HERC2: variants seen among roughly 807,000 people sequenced by gnomAD.
HERC2 encodes E3 ubiquitin-protein ligase HERC2.
In HERC2, 102 loss-of-function variants were observed where a neutral mutation model predicts 537.7. That is an observed-to-expected ratio of 0.19 (90% CI 0.16 to 0.22). The LOEUF (loss-of-function observed/expected upper bound fraction) is 0.22, where lower values mean the gene tolerates loss of function less well. Ranked by LOEUF, HERC2 falls within the 10% of genes least tolerant of loss-of-function variation. HERC2 has a pLI of 1.00. For synonymous variants in HERC2, 2,224 were observed against 2,466.2 expected, an observed-to-expected ratio of 0.90 and a Z score of 2.91; for missense variants, 4,236 against 6,198.2, an observed-to-expected ratio of 0.68 and a Z score of 10.63.
chr15:28,310,569 C>G (rs1029163706), intron 2 of HERC2, among the ~76,000 whole-genome samples: 1 of 152,218 alleles, frequency 6.6e-6, no homozygotes, highest in African/African-American at 2.4e-5. Context: ...CTCTTCTAGT[C>G]TTCAGTCAGA....
chr15:28,200,382 G>A (rs995564420), intron 48 of HERC2, among the ~76,000 whole-genome samples: 4 of 151,860 alleles, frequency 2.6e-5, no homozygotes, highest in African/African-American at 4.8e-5. Context: ...GTGACAGAGC[G>A]AGACTCTGCC....
intron 23 of HERC2, among the ~76,000 whole-genome samples, chr15:28,242,100 G>C (rs1903187291): frequency 6.6e-6 from 1 of 152,192 alleles, no homozygotes; most frequent in African/African-American, 2.4e-5. Context: ...CCATGTATAT[G>C]AAGTACCTGG....
At position 28,202,497 on chromosome 15, in the gene HERC2, G is replaced by A. The variant is rs1456731536; in HGVS notation, c.7330C>T (p.Arg2444Cys). The change falls in exon 46 of 93, where the codon CGC becomes TGC. Residue 2444 changes from arginine (R) to cysteine (C), a missense_variant. By Grantham distance (180) the Arg-to-Cys change is radical (BLOSUM62 -3). Coordinates refer to ENST00000261609, the MANE Select transcript of HERC2 (RefSeq NM_004667.6). ...ATTPVAVQHI[R>C]PARVKRRKQS... ...TTGCGCCTCTTCACTCTGGCAGGGC[G>A]GATGTGCTGCACGGCGACAGGCGTG... is the stretch of plus-strand genomic sequence containing the variant. 3.3e-5 allele frequency: 45 copies of A among 1,370,346 alleles called. No individual in the cohort carries two copies. The highest frequency in any genetic ancestry group is 4.8e-5 in the African/African-American group (3 of 63,044). 84.9% of individuals were successfully genotyped at this position (1,370,346 alleles called of 1,614,324 possible).
At chr15:28,311,058 C>CAA (rs1269849545) in intron 2 of HERC2, among the ~76,000 whole-genome samples, 1 of 103,234 alleles carries the variant, frequency 9.7e-6, no homozygotes, top group African/African-American at 3.8e-5. Context: ...GCCTGGGTGA[C>CAA]AGAGTGGGAC....
chr15:28,289,041 G>T (rs1409342822), intron 4 of HERC2, among the ~76,000 whole-genome samples: 6 of 151,730 alleles, frequency 4.0e-5, no homozygotes, highest in African/African-American at 1.5e-4. Context: ...CTGCCCCGCA[G>T]CTCAGGCAGT....
At chr15:28,269,226 G>T in intron 11 of HERC2, 22 bp downstream of exon 11, 3 of 1,603,614 alleles carry the variant, frequency 1.9e-6, no homozygotes, top group Non-Finnish European at 8.5e-7. Context: ...AACACTGCAG[G>T]CACAGTGCCC....
intron 16 of HERC2, among the ~76,000 whole-genome samples, chr15:28,258,162 C>T (rs1344101631): frequency 6.6e-6 from 1 of 152,020 alleles, no homozygotes; most frequent in Non-Finnish European, 1.5e-5. Flanking sequence ...CAAAATTAAA[C>T]AACATACTTA....
chr15:28,246,984 C>T, intron 21 of HERC2, 87 bp from the exon 22 acceptor site: 1 of 1,128,504 alleles, frequency 8.9e-7, no homozygotes, highest in Non-Finnish European at 1.3e-6. Context: ...CTATTCTCAT[C>T]TACACATCTT....
In HERC2 at chr15:28,237,023, A is replaced by G. The variant is rs1902536800; in HGVS notation, c.3943T>C (p.Leu1315=). The change falls in exon 26 of 93, where the codon TTA becomes CTA. Residue 1315 remains leucine, a synonymous_variant. Transcript: ENST00000261609. ...CTCATTGCCAAATACGAAGCGTGTA[A>G]TCCGAGAAGCAGGCCCAGATTCCTC... ...TERNLGLLLG[L]HASYLAMSTP... 1 of 1,611,862 alleles carries G rather than the reference A, an allele frequency of 6.2e-7. No homozygotes were observed. Among genetic ancestry groups the G allele is most frequent in the Non-Finnish European group, 8.5e-7 (1 of 1,179,824 alleles).
chr15:28,116,630 A>C (rs755424499), intron 88 of HERC2, 35 bp downstream of exon 88: 1 of 1,567,732 alleles, frequency 6.4e-7, no homozygotes, highest in South Asian at 1.2e-5. Context: ...GGCACAGGCC[A>C]CAGCGACACA....
chr15:28,174,321 G>T, intron 65 of HERC2, 74 bp downstream of exon 65: 1 of 1,065,882 alleles, frequency 9.4e-7, no homozygotes, highest in Non-Finnish European at 1.3e-6. Context: ...AATTGTGTTG[G>T]CACAATTAAA....
chr15:28,191,185 T>C lies in HERC2; in HGVS notation c.8511A>G (p.Val2837=). 6.2e-7 allele frequency: 1 copy of C among 1,614,012 alleles called. No homozygotes were observed. The highest frequency in any genetic ancestry group is 2.2e-5 in the East Asian group (1 of 44,862). ...GCATGTAGCTACTGTCAGCAGGATC[T>C]ACGATCATTTTTAATCTATGAACAA... ...DVLVHRLKMI[V]DPADSSYMPS... is the part of the protein sequence containing the mutation. The change falls in exon 54 of 93, where the codon GTA becomes GTG. Residue 2837 remains valine (V), a synonymous_variant. Coordinates refer to ENST00000261609, the MANE Select transcript of HERC2 (RefSeq NM_004667.6).
At chr15:28,129,595 C>T (rs1889884140) in intron 83 of HERC2, among the ~76,000 whole-genome samples, 1 of 152,222 alleles carries the variant, frequency 6.6e-6, no homozygotes, top group Non-Finnish European at 1.5e-5. Context: ...AGCAGAGGGC[C>T]AAGCCTGCAG....
At chr15:28,320,260 A>G (rs1389444869) in intron 2 of HERC2, 1 of 152,246 alleles carries the variant, frequency 6.6e-6, no homozygotes, top group Admixed American at 6.5e-5. Context: ...GATTACAGGC[A>G]TACACCACCA....
rs559595907 is a variant in HERC2 at position 28,222,126 on chromosome 15, C to T, written c.5554G>A (p.Ala1852Thr). 13 of 1,110,590 alleles carry T rather than the reference C, an allele frequency of 1.2e-5. No homozygotes were observed. The highest frequency in any genetic ancestry group is 1.8e-5 in the Non-Finnish European group (13 of 716,236). The allele number at this position is 1,110,590 out of a possible 1,614,324, so 68.8% of individuals were successfully genotyped here. A position where few individuals can be genotyped will look rare whatever the true frequency, so the allele number is the denominator to read the frequency against. ...CCTGAAACAGGGAGCTGCACAGGAGCCGTTTCCTTCCTTGTTTCTTCCAAA... is the reference window on the plus strand; with the variant it reads ...CCTGAAACAGGGAGCTGCACAGGAGTCGTTTCCTTCCTTGTTTCTTCCAAA... ...TVLEETRKET[A>T]PVQLPVSGPE... Residue 1852 changes from alanine (A) to threonine (T), a missense_variant, in exon 36 of 93, where the codon GCT (alanine) becomes ACT (threonine). Physicochemically the swap from Ala to Thr is moderately conservative, Grantham distance 58. This residue lies in a region of HERC2 where 343 missense variants were observed against 417.2 expected (regional missense o/e 0.82). Coordinates refer to ENST00000261609, the MANE Select transcript of HERC2 (RefSeq NM_004667.6).
At position 28,293,001 on chromosome 15, in the gene HERC2, C is replaced by T; in HGVS notation, c.209G>A (p.Gly70Glu). The part of the protein sequence containing the change: ...PRKDDSVEPS[G>E]TKKEDLNDKE... ...GTCATTCAGATCTTCTTTCTTTGTT[C>T]CACTTGGTTCGACACTATCATCTGC... The change falls in exon 4 of 93, where the codon GGA becomes GAA. Residue 70 changes from glycine (G) to glutamate (E), a missense_variant. Coordinates refer to ENST00000261609, the MANE Select transcript of HERC2 (RefSeq NM_004667.6). 6.2e-7 allele frequency: 1 copy of T among 1,610,570 alleles called. No individual in the cohort carries two copies.
intron 38 of HERC2, among the ~76,000 whole-genome samples, chr15:28,216,607 C>T (rs1163247899): frequency 6.6e-6 from 1 of 150,850 alleles, no homozygotes; most frequent in East Asian, 1.9e-4. Flanking sequence ...TCCTTCAGCA[C>T]ACTCACATGC....
Position 28,112,996 on chromosome 15 carries a change from A to G in HERC2, c.14232+75T>C, listed in dbSNP as rs964454742. ...AGGCTCGTTTTCCATGTGCTGCAGG[A>G]CTGTGGGTGAGGAGCCAGCCACCCA... On this transcript the variant is annotated intron_variant, in intron 92 of 92. Coordinates refer to ENST00000261609, the MANE Select transcript of HERC2 (RefSeq NM_004667.6). 1.3e-4 allele frequency: 160 copies of G among 1,190,274 alleles called. 2 individuals are homozygous for G. In the Middle Eastern group the frequency reaches 2.2e-3, roughly 16 times the overall value. The allele number at this position is 1,190,274 out of a possible 1,614,324, so 73.7% of individuals were successfully genotyped here.
chr15:28,260,119 C>T lies in HERC2; in HGVS notation c.2316+658G>A, dbSNP rs182308961. 4.0e-3 allele frequency among the ~76,000 whole-genome samples: 599 copies of T among 151,584 alleles called. 4 individuals are homozygous for T. Among genetic ancestry groups the T allele is most frequent in the African/African-American group, 0.013 (558 of 41,346 alleles). ...CTTTGGGAGGCCAAGGCAGGCAGAT[C>T]GCTAGAGCTCAGGAGTTCGAGACCA... On this transcript the variant is annotated intron_variant, in intron 16 of 92. Coordinates refer to ENST00000261609, the MANE Select transcript of HERC2 (RefSeq NM_004667.6).
Sources: gnomAD v4.1 joint callset for allele counts (sites outside exome capture counted in the v4.1 genomes callset) on GRCh38, gnomAD v4.1.1 for gene constraint, gnomAD v4.1.1 regional missense constraint, MANE v1.5 for transcripts, NCBI Gene and HGNC (gene_info 2026-07-23, HGNC 2026-07-21) for gene names.